The following LAMB1 variants were observed in gnomAD, a reference collection of about 807,000 sequenced individuals.
LAMB1 encodes the protein laminin subunit beta-1.
LAMB1 carries 121 observed loss-of-function variants against 222.3 expected under a neutral mutation model. That is an observed-to-expected ratio of 0.54 (90% CI 0.47 to 0.63). LAMB1 has a LOEUF of 0.63. LAMB1 is among the 30% of genes least tolerant of loss of function. The pLI is 0.00. For missense variants in LAMB1, 2,172 were observed against 2,240.8 expected (o/e 0.97, Z 0.62); for synonymous variants, 794 against 807.2 (o/e 0.98, Z 0.28).
At chr7:107,944,978 G>T (rs1411881069) in intron 24 of LAMB1, among the ~76,000 whole-genome samples, 1 of 152,188 alleles carries the variant, frequency 6.6e-6, no homozygotes, top group Non-Finnish European at 1.5e-5. Flanking sequence ...TTTAAGAAAT[G>T]GGATTACTTG....
At chr7:107,979,397 T>C (rs764208301) in intron 8 of LAMB1, among the ~76,000 whole-genome samples, 8 of 152,144 alleles carry the variant, frequency 5.3e-5, no homozygotes, top group Non-Finnish European at 8.8e-5. Context: ...AGCACAGCCT[T>C]CATGAGGGGA....
At chr7:107,990,595 A>T (rs2034163965) in intron 5 of LAMB1, among the ~76,000 whole-genome samples, 1 of 152,216 alleles carries the variant, frequency 6.6e-6, no homozygotes, top group African/African-American at 2.4e-5. Flanking sequence ...AAGGAAGAAA[A>T]GAATGGCTAC....
At chr7:107,991,694 A>C (rs947117439) in intron 5 of LAMB1, among the ~76,000 whole-genome samples, 5 of 152,062 alleles carry the variant, frequency 3.3e-5, no homozygotes, top group African/African-American at 1.2e-4. Context: ...GCAGATCATG[A>C]GGTCAGGAGT....
rs895711486 is a variant in LAMB1 at position 107,985,946 on chromosome 7, G to T, written c.676+76C>A. 8 of 1,157,930 alleles carry T rather than the reference G, an allele frequency of 6.9e-6. No homozygotes were observed. In the African/African-American group the frequency reaches 1.1e-4, roughly 16 times the overall value. 71.7% of individuals were successfully genotyped at this position (1,157,930 alleles called of 1,614,324 possible). The stretch of plus-strand genomic sequence containing the variant: ...CACTCCAGCCTGGGCAACAAGAGCG[G>T]AACTCTGTCTCAAAAAACAAAACAA... On this transcript the variant is annotated intron_variant, in intron 7 of 33. Coordinates refer to ENST00000222399, the MANE Select transcript of LAMB1 (RefSeq NM_002291.3).
intron 27 of LAMB1, 68 bp downstream of exon 27, chr7:107,935,347 G>GGTTTTTTTTTTTTTTTTTT (rs2032817491): frequency 9.2e-7 from 1 of 1,089,046 alleles, no homozygotes; most frequent in African/African-American, 2.5e-5. Context: ...GTTTTTCTTT[G>GGTTTTTTTTTTTTTTTTTT]TTTTTTTTTT....
chr7:107,926,299 C>T lies in LAMB1; in HGVS notation c.4948G>A (p.Glu1650Lys), dbSNP rs371440319. 3.8e-5 allele frequency: 62 copies of T among 1,613,846 alleles called. No individual in the cohort carries two copies. The East Asian group carries it at 1.0e-3, about 27-fold the overall frequency. The change falls in exon 32 of 34, where the codon GAG becomes AAG. Residue 1650 changes from glutamate to lysine, a missense_variant. Glu to Lys is a moderately conservative substitution (Grantham distance 56, BLOSUM62 1). Transcript: ENST00000222399. The part of the protein sequence containing the change: ...TLFNASQRIS[E>K]LERNVEELKR... ...AGTTCTTCCACATTCCTCTCTAACT[C>T]GCTGATGCGCTGGGACGCGTTGAAC...
In LAMB1 at chr7:107,951,122, A is replaced by G. The variant is rs1046462313; in HGVS notation, c.3391+104T>C. On this transcript the variant is annotated intron_variant, in intron 24 of 33. Transcript: ENST00000222399. Reference sequence around the variant, plus strand: ...TGCAATTAAATACAGGTTCTTATAGACACGTTAATTTGTACTGTGTTTTAT... The same window carrying G: ...TGCAATTAAATACAGGTTCTTATAGGCACGTTAATTTGTACTGTGTTTTAT... The G allele has an allele frequency of 5.2e-6, 4 of 764,896 alleles. No homozygotes were observed. In the African/African-American group the frequency reaches 7.1e-5, roughly 14 times the overall value. 47.4% of individuals were successfully genotyped at this position (764,896 alleles called of 1,614,324 possible). A position where few individuals can be genotyped will look rare whatever the true frequency, so the allele number is the denominator to read the frequency against.
chr7:107,948,175 T>C (rs1436466447), intron 24 of LAMB1, among the ~76,000 whole-genome samples: 1 of 152,038 alleles, frequency 6.6e-6, no homozygotes, highest in Non-Finnish European at 1.5e-5. Context: ...TTAGTAGAGA[T>C]GGGGTTTCAC....
chr7:107,963,286 G>A (rs1182166094), intron 14 of LAMB1, among the ~76,000 whole-genome samples: 1 of 152,180 alleles, frequency 6.6e-6, no homozygotes, highest in Non-Finnish European at 1.5e-5. Context: ...TTGGGACACT[G>A]GATATAGCAC....
In LAMB1 at chr7:107,952,026, C is replaced by A; in HGVS notation, c.3277G>T (p.Gly1093Trp). 1 of 1,611,738 alleles carries A rather than the reference C, an allele frequency of 6.2e-7. No individual in the cohort carries two copies. Among genetic ancestry groups the A allele is most frequent in the Non-Finnish European group, 8.5e-7 (1 of 1,178,498 alleles). The change falls in exon 23 of 34, where the codon GGG (glycine) becomes TGG (tryptophan). Residue 1093 changes from glycine to tryptophan, a missense_variant. Transcript: ENST00000222399. Reference protein sequence around the residue: ...PCNCNAAHSFGPSCNEFTGQC... With the variant: ...PCNCNAAHSFWPSCNEFTGQC... The stretch of plus-strand genomic sequence containing the variant: ...CCCCTCACCTCATTGCAAGATGGCC[C>A]GAAGGAATGAGCAGCATTGCAGTTG...
chr7:107,935,246 A>G (rs1562976362), intron 27 of LAMB1, 169 bp downstream of exon 27: 1 of 937,356 alleles, frequency 1.1e-6, no homozygotes, highest in African/African-American at 1.7e-5. Context: ...GGTTACAGAT[A>G]CCCCATTCCA....
chr7:107,996,808 C>CA (rs1447543380), intron 4 of LAMB1, among the ~76,000 whole-genome samples: 1 of 152,212 alleles, frequency 6.6e-6, no homozygotes, highest in Non-Finnish European at 1.5e-5. Flanking sequence ...AAAATGGGGA[C>CA]AGTCTCCATC....
At chr7:107,974,769 G>A (rs2150438266) in intron 12 of LAMB1, among the ~76,000 whole-genome samples, 1 of 152,314 alleles carries the variant, frequency 6.6e-6, no homozygotes, top group Non-Finnish European at 1.5e-5. Flanking sequence ...CTATAAAAGT[G>A]GTATTTTATT....
At chr7:107,968,284 G>A (rs2033674148) in intron 13 of LAMB1, among the ~76,000 whole-genome samples, 1 of 152,136 alleles carries the variant, frequency 6.6e-6, no homozygotes. Flanking sequence ...GCACATCTTA[G>A]ATTCTTATGT....
chr7:107,949,555 C>T (rs2033197562), intron 24 of LAMB1, among the ~76,000 whole-genome samples: 1 of 152,152 alleles, frequency 6.6e-6, no homozygotes, highest in Non-Finnish European at 1.5e-5. Flanking sequence ...AGAAACTGGT[C>T]CACTGGATTT....
chr7:108,001,917 G>C, intron 2 of LAMB1, 184 bp from the exon 3 acceptor site: 1 of 1,461,534 alleles, frequency 6.8e-7, no homozygotes. Flanking sequence ...CAGGGACTCC[G>C]AAAGGAGAAG....
intron 24 of LAMB1, among the ~76,000 whole-genome samples, chr7:107,943,065 A>G (rs1225863017): frequency 6.6e-6 from 1 of 152,314 alleles, no homozygotes; most frequent in East Asian, 1.9e-4. Context: ...TGTTTGGGGA[A>G]TATTCTCGTA....
chr7:107,960,902 C>T (rs1368227763), intron 17 of LAMB1, among the ~76,000 whole-genome samples: 1 of 152,184 alleles, frequency 6.6e-6, no homozygotes, highest in Non-Finnish European at 1.5e-5. Context: ...CTTTGTCGCC[C>T]AGGCTGGTCT....
In LAMB1 at chr7:107,929,515, G is replaced by T. The variant is rs143268795; in HGVS notation, c.4642C>A (p.Arg1548Ser). Residue 1548 changes from arginine to serine, a missense_variant, in exon 30 of 34, where the codon CGT becomes AGT. Coordinates refer to ENST00000222399, the MANE Select transcript of LAMB1 (RefSeq NM_002291.3). ...TGAGAAAGGCTTTCAACTCGTTCAC[G>T]TATATCTTCTGTCAAGTTCTGTAAC... ...QQLQNLTEDI[R>S]ERVESLSQVE... 1.1e-5 allele frequency: 18 copies of T among 1,613,794 alleles called. No homozygotes were observed. Among genetic ancestry groups the T allele is most frequent in the Admixed American group, 5.0e-5 (3 of 60,004 alleles).
Sources: gnomAD v4.1 joint callset for allele counts (sites outside exome capture counted in the v4.1 genomes callset) on GRCh38, gnomAD v4.1.1 for gene constraint, MANE v1.5 for transcripts, NCBI Gene and HGNC (gene_info 2026-07-23, HGNC 2026-07-21) for gene names.